Variants in GREP1 observed in about 807,000 individuals in gnomAD.
The protein encoded by GREP1 is glycine rich extracellular protein 1, also known as glycine-rich extracellular protein 1.
rs1021700449 is a variant in GREP1, at chr16:2,991,307, T to C, written c.322+206T>C. ...AGCCCTGCCCCGCCTTGCCCACTTA[T>C]ATCCAGGCGCCTCTGGGTCCCTCAA... On this transcript the variant is annotated intron_variant, in intron 8 of 34. Coordinates refer to ENST00000573315, the Ensembl canonical transcript of GREP1. The surrounding 1 kb of genome is among the most constrained non-coding windows in gnomAD (Gnocchi z 4.9). 15 of 387,774 alleles carry C rather than the reference T, an allele frequency of 3.9e-5. No homozygotes were observed. The highest frequency in any genetic ancestry group is 5.9e-5 in the Non-Finnish European group (13 of 220,014). The allele number at this position is 387,774 out of a possible 1,614,324, so 24.0% of individuals were successfully genotyped here.
chr16:2,995,694 G>A (rs1255346108), intron 16 of GREP1, 40 bp downstream of exon 16: 2 of 398,668 alleles, frequency 5.0e-6, no homozygotes, highest in Non-Finnish European at 8.8e-6. Context: ...GAGAATGTGG[G>A]TGGGGCCCCT....
Position 2,998,843 on chromosome 16 carries a change from C to G in GREP1, c.1013-5C>G, listed in dbSNP as rs940435212. 2 of 399,122 alleles carry G rather than the reference C, an allele frequency of 5.0e-6. No individual in the cohort carries two copies. Among genetic ancestry groups the G allele is most frequent in the Admixed American group, 4.4e-5 (1 of 22,744 alleles). 24.7% of individuals were successfully genotyped at this position (399,122 alleles called of 1,614,324 possible). A position where few individuals can be genotyped will look rare whatever the true frequency, so the allele number is the denominator to read the frequency against. The stretch of plus-strand genomic sequence containing the variant: ...GCCCCACCCCTCCCTTCCTTCCCAT[C>G]GTAGGTCCCTGCAATGCGAGGGTCG... On this transcript the variant is annotated splice_polypyrimidine_tract_variant and splice_region_variant and intron_variant, in intron 25 of 34. Transcript: ENST00000573315.
rs138005483 is a variant in GREP1 at position 2,996,900 on chromosome 16, C to T, written c.746-45C>T. On this transcript the variant is annotated intron_variant, in intron 20 of 34. Transcript: ENST00000573315. The stretch of plus-strand genomic sequence containing the variant: ...CCCTTCCTGGCCCCTGCCTCCCTGT[C>T]CCCCAGTGGCTCAGCCTTACCACGT... The T allele has an allele frequency of 1.0e-5, 4 of 399,254 alleles. 1 individual carries two copies. Among genetic ancestry groups the T allele is most frequent in the East Asian group, 7.1e-5 (2 of 28,088 alleles). 24.7% of individuals were successfully genotyped at this position (399,254 alleles called of 1,614,324 possible).
exon 35 of GREP1, chr16:3,001,984 T>C (rs1204019771): frequency 4.9e-6 from 1 of 204,838 alleles, no homozygotes; most frequent in East Asian, 1.1e-4. Context: ...TCATTTATAA[T>C]CGATTTATTA....
intron 1 of GREP1, 47 bp downstream of exon 1, chr16:2,988,387 G>A (rs1361310622): frequency 2.5e-6 from 1 of 399,052 alleles, no homozygotes; most frequent in Non-Finnish European, 4.4e-6. Context: ...GGGCATCTGT[G>A]ACTGGGGCTG....
rs1042772658 is a variant in GREP1, at chr16:2,995,784, C to T, written c.622+13C>T. On this transcript the variant is annotated intron_variant, in intron 17 of 34. Coordinates refer to ENST00000573315, the Ensembl canonical transcript of GREP1. Reference sequence around the variant, plus strand: ...CCTCTGAAGCCAGGTGAGCCCCGCCCGCCCTGGTCTGCCTCTCTATGCACG... The same window carrying T: ...CCTCTGAAGCCAGGTGAGCCCCGCCTGCCCTGGTCTGCCTCTCTATGCACG... 20 of 398,548 alleles carry T rather than the reference C, an allele frequency of 5.0e-5. No individual in the cohort carries two copies. Among genetic ancestry groups the T allele is most frequent in the East Asian group, 1.4e-4 (4 of 28,090 alleles). 24.7% of individuals were successfully genotyped at this position (398,548 alleles called of 1,614,324 possible). A position where few individuals can be genotyped will look rare whatever the true frequency, so the allele number is the denominator to read the frequency against.
exon 22 of GREP1, chr16:2,997,405 T>C (rs1202088130): frequency 5.0e-6 from 2 of 398,546 alleles, no homozygotes; most frequent in Non-Finnish European, 8.8e-6. Context: ...TAGCCCAGAA[T>C]GGCTACAGAG....
intron 10 of GREP1, 68 bp from the exon 12 acceptor site, chr16:2,994,630 C>T (rs2072415219): frequency 2.5e-6 from 1 of 398,810 alleles, no homozygotes; most frequent in Non-Finnish European, 4.4e-6. Context: ...TGGGGACACC[C>T]CTGCCCGAGG....
chr16:2,988,491 G>A, intron 1 of GREP1, 99 bp from the exon 2 acceptor site: 1 of 398,952 alleles, frequency 2.5e-6, no homozygotes, highest in Middle Eastern at 6.3e-4. Context: ...AATTCAGACA[G>A]TGAGGGTTTT....
chr16:3,001,973 T>C (rs1240616716), exon 35 of GREP1: 2 of 228,300 alleles, frequency 8.8e-6, no homozygotes, highest in Non-Finnish European at 8.4e-6. Context: ...TCTTTGTGTT[T>C]TCATTTATAA....
chr16:2,990,318 C>T, intron 5 of GREP1, 196 bp downstream of exon 5: 1 of 398,336 alleles, frequency 2.5e-6, no homozygotes. Context: ...ACCTCTCTCT[C>T]TCCCACGAGC....
intron 32 of GREP1, 53 bp from the exon 27 acceptor site, chr16:3,000,661 G>A: frequency 2.5e-6 from 1 of 398,908 alleles, no homozygotes; most frequent in Non-Finnish European, 4.4e-6. Flanking sequence ...ACAGGGGCCA[G>A]GGGTCCCAGC....
chr16:2,996,170 T>C (rs1222189463), intron 18 of GREP1, among the ~76,000 whole-genome samples: 1 of 152,172 alleles, frequency 6.6e-6, no homozygotes, highest in African/African-American at 2.4e-5. Flanking sequence ...TGACCTCAGA[T>C]GATCCACCTG....
At chr16:2,990,035 G>C (rs1274235200) in intron 4 of GREP1, 29 bp downstream of exon 4, 1 of 399,476 alleles carries the variant, frequency 2.5e-6, no homozygotes, top group Non-Finnish European at 4.4e-6. Context: ...CCAGCTCTTT[G>C]TCTCCCCCTC....
intron 13 of GREP1, 83 bp downstream of exon 14, chr16:2,995,045 GA>G: frequency 2.5e-6 from 1 of 398,638 alleles, no homozygotes; most frequent in Non-Finnish European, 4.4e-6. Context: ...GAATGATGGA[GA>G]GGGGTGACGG....
At chr16:2,994,625 A>T in intron 10 of GREP1, 73 bp from the exon 12 acceptor site, 1 of 398,740 alleles carries the variant, frequency 2.5e-6, no homozygotes, top group East Asian at 3.6e-5. Context: ...GGGGGTGGGG[A>T]CACCCCTGCC....
chr16:2,991,380 T>C lies in GREP1; in HGVS notation c.322+279T>C, dbSNP rs59019653. 2,056 of 342,328 alleles carry C rather than the reference T, an allele frequency of 6.0e-3. 35 individuals are homozygous for C. The highest frequency in any genetic ancestry group is 0.039 in the African/African-American group (1,845 of 47,242). 21.2% of individuals were successfully genotyped at this position (342,328 alleles called of 1,614,324 possible). On this transcript the variant is annotated intron_variant, in intron 8 of 34. Transcript: ENST00000573315. The surrounding 1 kb of genome is among the most constrained non-coding windows in gnomAD (Gnocchi z 4.9). ...GGCCCTCACCAATGTCTCCCCAGGA[T>C]TGGGGAGCAGAAGTGGTTTGGGCGC... is the stretch of plus-strand genomic sequence containing the variant.
chr16:2,999,876 C>T (rs933624183), intron 27 of GREP1, 26 bp from the exon 25 acceptor site: 6 of 398,944 alleles, frequency 1.5e-5, no homozygotes, highest in African/African-American at 8.2e-5. Flanking sequence ...CTGGGTCCCC[C>T]GCACTGACTT....
chr16:2,995,749 GA>G lies in GREP1; in HGVS notation c.602del (p.Asn201MetfsTer2). 1 of 398,734 alleles carries G rather than the reference GA, an allele frequency of 2.5e-6. No homozygotes were observed. The highest frequency in any genetic ancestry group is 4.4e-6 in the Non-Finnish European group (1 of 226,170). 24.7% of individuals were successfully genotyped at this position (398,734 alleles called of 1,614,324 possible). A position where few individuals can be genotyped will look rare whatever the true frequency, so the allele number is the denominator to read the frequency against. On this transcript the variant is annotated frameshift_variant, in exon 17 of 35. Coordinates refer to ENST00000573315, the Ensembl canonical transcript of GREP1. LOFTEE classifies it high-confidence loss of function. ...CTATATCTCCTCCAGGCCTTGGAGG[GA>G]ATGTGAAGCCTCTGAAGCCAGGTGA...
Sources: gnomAD v4.1 joint callset for allele counts (sites outside exome capture counted in the v4.1 genomes callset) on GRCh38, gnomAD v4.1.1 for gene constraint, Gnocchi (gnomAD v3.1) non-coding constraint, MANE v1.5 for transcripts, NCBI Gene and HGNC (gene_info 2026-07-23, HGNC 2026-07-21) for gene names.